PARD3: variants seen among roughly 807,000 people sequenced by gnomAD.
PARD3 encodes partitioning defective 3 homolog.
Under a neutral mutation model 155.4 loss-of-function variants are expected in PARD3, and 75 were observed. The ratio of observed to expected loss-of-function variants is 0.48; its 90% CI spans 0.40 to 0.58. The LOEUF is 0.58. Among genes scored for constraint, PARD3 ranks in the 20% least tolerant of loss-of-function variants. The pLI is 0.00. For missense variants in PARD3, 1,642 were observed against 1,721.7 expected (o/e 0.95, Z 0.82); for synonymous variants, 576 against 610.5 (o/e 0.94, Z 0.83).
At position 34,337,358 on chromosome 10, in the gene PARD3, G is replaced by A; in HGVS notation, c.2477C>T (p.Ser826Leu). The A allele has an allele frequency of 1.2e-6, 2 of 1,602,122 alleles. No homozygotes were observed. Among genetic ancestry groups the A allele is most frequent in the African/African-American group, 1.3e-5 (1 of 74,264 alleles). ...QREGFGRQSMSEKRTKQFSDA... is the reference protein window; with the variant it reads ...QREGFGRQSMLEKRTKQFSDA... The stretch of plus-strand genomic sequence containing the variant: ...TGAAAATTGCTTTGTGCGTTTTTCT[G>A]ACATACTCTGACGTCCAAATCCTTC... The change falls in exon 17 of 25, where the codon TCA becomes TTA. Residue 826 changes from serine (S) to leucine (L), a missense_variant. This residue lies in a region of PARD3 where 1,529 missense variants were observed against 1,587.3 expected (regional missense o/e 0.96). Coordinates refer to ENST00000374788, the MANE Select transcript of PARD3 (RefSeq NM_001184785.2).
At chr10:34,711,711 CT>C (rs2094451592) in intron 1 of PARD3, among the ~76,000 whole-genome samples, 1 of 152,072 alleles carries the variant, frequency 6.6e-6, no homozygotes, top group Admixed American at 6.6e-5. Flanking sequence ...AATAATACCC[CT>C]ATTGGGTATA....
At chr10:34,789,485 G>T (rs1297305380) in intron 1 of PARD3, among the ~76,000 whole-genome samples, 1 of 151,980 alleles carries the variant, frequency 6.6e-6, no homozygotes, top group African/African-American at 2.4e-5. Context: ...ATCGTCTGAG[G>T]CCAGGAGTTC....
Position 34,331,299 on chromosome 10 carries a change from G to T in PARD3, c.2651C>A (p.Ser884Ter). 2 of 1,613,912 alleles carry T rather than the reference G, an allele frequency of 1.2e-6. No homozygotes were observed. The highest frequency in any genetic ancestry group is 2.2e-5 in the South Asian group (2 of 91,060). ...GGTCTGCAGACTCTCCAACGAGCTT[G>T]ACTTCTTCAGACCCAGGGAAGGACC... ...DVGPSLGLKKSSSLESLQTAV... is the reference protein window; with the variant it reads ...DVGPSLGLKK Residue 884 changes from serine (S) to a stop codon, truncating the protein, a stop_gained, in exon 19 of 25, where the codon TCA (serine) becomes TAA (stop). Transcript: ENST00000374788. LOFTEE classifies it high-confidence loss of function.
intron 5 of PARD3, among the ~76,000 whole-genome samples, chr10:34,446,999 CCT>C (rs148960173): frequency 5.3e-5 from 8 of 152,018 alleles, no homozygotes; most frequent in Admixed American, 3.3e-4. Flanking sequence ...GCAACTAAAC[CCT>C]CTCTGAGTAC....
At chr10:34,377,790 A>G (rs1456697514) in intron 10 of PARD3, among the ~76,000 whole-genome samples, 177 bp downstream of exon 10, 1 of 152,116 alleles carries the variant, frequency 6.6e-6, no homozygotes, top group African/African-American at 2.4e-5. Context: ...AAAAAAATAT[A>G]TATAAAAAAT....
chr10:34,207,631 T>A (rs1418456040), intron 22 of PARD3, among the ~76,000 whole-genome samples: 1 of 152,212 alleles, frequency 6.6e-6, no homozygotes. Context: ...ACTCTACCTT[T>A]TCTTTTACCA....
At chr10:34,562,750 ATTATT>A (rs1231517830) in intron 2 of PARD3, among the ~76,000 whole-genome samples, 1 of 151,840 alleles carries the variant, frequency 6.6e-6, no homozygotes, top group African/African-American at 2.4e-5. Flanking sequence ...ATTAAAACTG[ATTATT>A]TTAATTTTTT....
At chr10:34,251,238 C>T (rs2570322) in intron 22 of PARD3, among the ~76,000 whole-genome samples, 5,166 of 152,182 alleles carry the variant, frequency 0.034, 128 homozygotes, top group Non-Finnish European at 0.051. Context: ...ATAAAAGATG[C>T]TAAAAATAAG....
At chr10:34,264,048 C>T (rs1955166398) in intron 22 of PARD3, among the ~76,000 whole-genome samples, 1 of 152,166 alleles carries the variant, frequency 6.6e-6, no homozygotes, top group Admixed American at 6.6e-5. Flanking sequence ...TGGTCCCGGA[C>T]TTGCTATGAT....
At chr10:34,271,343 G>T (rs1314253233) in intron 21 of PARD3, among the ~76,000 whole-genome samples, 1 of 152,010 alleles carries the variant, frequency 6.6e-6, no homozygotes, top group African/African-American at 2.4e-5. Flanking sequence ...ATATATAAAA[G>T]AAATTATACA....
chr10:34,814,510 C>T (rs1844639006), intron 1 of PARD3, among the ~76,000 whole-genome samples: 1 of 152,062 alleles, frequency 6.6e-6, no homozygotes, highest in South Asian at 2.1e-4. Flanking sequence ...CTGGATTTCC[C>T]GGCCTGCGCC....
intron 4 of PARD3, among the ~76,000 whole-genome samples, chr10:34,463,755 G>A (rs1304760130): frequency 2.0e-5 from 3 of 152,060 alleles, no homozygotes; most frequent in Non-Finnish European, 4.4e-5. Context: ...CATATATAAT[G>A]GTGATCACAT....
intron 22 of PARD3, among the ~76,000 whole-genome samples, chr10:34,152,501 G>A (rs1253946770): frequency 1.3e-5 from 2 of 152,148 alleles, no homozygotes; most frequent in Non-Finnish European, 2.9e-5. Flanking sequence ...TACAAATGTG[G>A]TATTATAATC....
intron 23 of PARD3, among the ~76,000 whole-genome samples, chr10:34,130,957 G>A (rs531310795): frequency 6.6e-6 from 1 of 152,260 alleles, no homozygotes; most frequent in African/African-American, 2.4e-5. Context: ...CTACTCTGGT[G>A]GCTGAGGTAG....
intron 1 of PARD3, among the ~76,000 whole-genome samples, chr10:34,790,649 G>C (rs1271039536): frequency 1.3e-5 from 2 of 152,184 alleles, no homozygotes; most frequent in Non-Finnish European, 2.9e-5. Context: ...AATAAGTTAT[G>C]GCTGAGTTGA....
At chr10:34,395,983 A>C (rs1409099504) in intron 7 of PARD3, among the ~76,000 whole-genome samples, 3 of 152,208 alleles carry the variant, frequency 2.0e-5, no homozygotes, top group Non-Finnish European at 2.9e-5. Context: ...ATTGTCATTA[A>C]TGCCCCTGAT....
chr10:34,735,791 G>A lies in PARD3; in HGVS notation c.121-39372C>T, dbSNP rs574210128. Among the ~76,000 whole-genome samples, 7 of 152,200 alleles carry A rather than the reference G, an allele frequency of 4.6e-5. No homozygotes were observed. In the South Asian group the frequency reaches 1.0e-3, roughly 23 times the overall value. Reference sequence around the variant, plus strand: ...TGGCGGATATCAGTACACTTTGCCTGTAATCATTTCAGCAATGCAATATAT... The same window carrying A: ...TGGCGGATATCAGTACACTTTGCCTATAATCATTTCAGCAATGCAATATAT... On this transcript the variant is annotated intron_variant, in intron 1 of 24. Transcript: ENST00000374788.
chr10:34,615,188 T>C (rs1461953216), intron 2 of PARD3, among the ~76,000 whole-genome samples: 1 of 151,978 alleles, frequency 6.6e-6, no homozygotes, highest in East Asian at 1.9e-4. Flanking sequence ...AGGCTCCGTC[T>C]ACTAAAAACA....
intron 18 of PARD3, among the ~76,000 whole-genome samples, chr10:34,335,735 T>C (rs1334029860): frequency 2.0e-5 from 3 of 152,078 alleles, no homozygotes; most frequent in Non-Finnish European, 4.4e-5. Flanking sequence ...TGACTAATGA[T>C]AGCAATACCG....
Sources: gnomAD v4.1 joint callset for allele counts (sites outside exome capture counted in the v4.1 genomes callset) on GRCh38, gnomAD v4.1.1 for gene constraint, gnomAD v4.1.1 regional missense constraint, MANE v1.5 for transcripts, NCBI Gene and HGNC (gene_info 2026-07-23, HGNC 2026-07-21) for gene names.